Variants in PKD1L3 observed in about 807,000 individuals in gnomAD.
The protein encoded by PKD1L3 is polycystin 1 like 3, transient receptor potential channel interacting, also known as polycystin-1-like protein 3.
PKD1L3 carries 239 observed loss-of-function variants against 184.1 expected under a neutral mutation model. The ratio of observed to expected loss-of-function variants is 1.30; its 90% CI spans 1.17 to 1.45. The LOEUF (loss-of-function observed/expected upper bound fraction) is 1.45, where lower values mean the gene tolerates loss of function less well. PKD1L3 is among the 40% of genes most tolerant of loss of function. The probability of loss-of-function intolerance (pLI) is 0.00; values close to 1 mark genes in which losing one functional copy is unlikely to be tolerated. For synonymous variants in PKD1L3, 996 were observed against 778.8 expected (o/e 1.28, Z -4.64); for missense variants, 2,660 against 2,067.2 (o/e 1.29, Z -5.56).
chr16:71,943,398 C>T (rs970554951), intron 23 of PKD1L3, among the ~76,000 whole-genome samples: 5 of 151,720 alleles, frequency 3.3e-5, no homozygotes, highest in African/African-American at 1.2e-4. Flanking sequence ...ATTAGCTGGG[C>T]GTGGTGGTCT....
At chr16:71,990,368 C>G in intron 3 of PKD1L3, 39 bp from the exon 4 acceptor site, 5 of 1,471,534 alleles carry the variant, frequency 3.4e-6, no homozygotes, top group Non-Finnish European at 4.6e-6. Context: ...CAAGTAAAAG[C>G]CTAAGACAGA....
At chr16:71,944,236 T>TTG in intron 22 of PKD1L3, 66 bp from the exon 23 acceptor site, 2 of 1,411,242 alleles carry the variant, frequency 1.4e-6, no homozygotes, top group Non-Finnish European at 1.9e-6. Context: ...TCACCATTCA[T>TTG]TGAGCATCTA....
intron 10 of PKD1L3, 69 bp from the exon 11 acceptor site, chr16:71,977,536 ATAAGG>A (rs2039977017): frequency 3.9e-6 from 4 of 1,016,330 alleles, no homozygotes; most frequent in Non-Finnish European, 5.9e-6. Context: ...CTTTATATTG[ATAAGG>A]TAAGGAAACG....
intron 5 of PKD1L3, 48 bp downstream of exon 5, chr16:71,986,173 T>G (rs1272251964): frequency 6.5e-7 from 1 of 1,542,926 alleles, no homozygotes; most frequent in South Asian, 1.2e-5. Flanking sequence ...AACCAAGTAC[T>G]TTTTGGGGGT....
chr16:71,942,475 C>A, intron 24 of PKD1L3, 85 bp downstream of exon 24: 1 of 1,212,056 alleles, frequency 8.3e-7, no homozygotes, highest in Non-Finnish European at 1.1e-6. Context: ...AAGTTACCTT[C>A]AATGAAACCA....
chr16:71,974,905 T>C (rs1362784171), intron 11 of PKD1L3, among the ~76,000 whole-genome samples: 1 of 132,324 alleles, frequency 7.6e-6, no homozygotes, highest in Non-Finnish European at 1.6e-5. Flanking sequence ...GACGGGAGAC[T>C]GTAGCATGCT....
In PKD1L3 at chr16:71,978,174, C is replaced by T. The variant is rs2040001586; in HGVS notation, c.1527+81G>A. ...CACTGCCATCAATCTAACATAATTC[C>T]CTTTAAGTTGTTGCATCCTTCCATC... On this transcript the variant is annotated intron_variant, in intron 10 of 29. Coordinates refer to ENST00000620267, the MANE Select transcript of PKD1L3 (RefSeq NM_181536.2). 2.8e-6 allele frequency: 4 copies of T among 1,435,854 alleles called. No homozygotes were observed. The Admixed American group carries it at 6.4e-5, about 23-fold the overall frequency. The allele number at this position is 1,435,854 out of a possible 1,614,324, so 88.9% of individuals were successfully genotyped here.
At chr16:71,998,521 A>T (rs776257164) in intron 1 of PKD1L3, 127 bp from the exon 2 acceptor site, 1 of 1,243,690 alleles carries the variant, frequency 8.0e-7, no homozygotes, top group Non-Finnish European at 1.1e-6. Flanking sequence ...TGTGATCTTC[A>T]CTCACTGCAA....
At chr16:71,973,142 G>A (rs1279863752) in intron 12 of PKD1L3, among the ~76,000 whole-genome samples, 182 bp downstream of exon 12, 2 of 152,288 alleles carry the variant, frequency 1.3e-5, no homozygotes, top group East Asian at 3.9e-4. Flanking sequence ...CTCCTGCTTC[G>A]AAGAGGCACA....
At position 71,999,673 on chromosome 16, in the gene PKD1L3, C is replaced by T; in HGVS notation, c.295+11G>A. On this transcript the variant is annotated intron_variant, in intron 1 of 29. Coordinates refer to ENST00000620267, the MANE Select transcript of PKD1L3 (RefSeq NM_181536.2). Reference sequence around the variant, plus strand: ...AGTTTCCTTCATAAACACTGAACCCCAGGGTCTTACCTGGGTATTTGTTGT... The same window carrying T: ...AGTTTCCTTCATAAACACTGAACCCTAGGGTCTTACCTGGGTATTTGTTGT... 6.6e-7 allele frequency: 1 copy of T among 1,516,868 alleles called. No homozygotes were observed. The highest frequency in any genetic ancestry group is 8.9e-7 in the Non-Finnish European group (1 of 1,127,548). 94.0% of individuals were successfully genotyped at this position (1,516,868 alleles called of 1,614,324 possible).
In PKD1L3 at chr16:71,977,271, T is replaced by A; in HGVS notation, c.1724A>T (p.Asn575Ile). 2 of 1,536,038 alleles carry A rather than the reference T, an allele frequency of 1.3e-6. No individual in the cohort carries two copies. Among genetic ancestry groups the A allele is most frequent in the South Asian group, 1.2e-5 (1 of 83,704 alleles). The stretch of plus-strand genomic sequence containing the variant: ...CACCTTATCCTTTGGAAGGGTGATG[T>A]TCAGGTGGAAGTGAGTGCAGTTAGG... Reference protein sequence around the residue: ...YQPNCTHFHLNITLPKDKVWQ... With the variant: ...YQPNCTHFHLIITLPKDKVWQ... Residue 575 changes from asparagine (N) to isoleucine (I), a missense_variant, in exon 11 of 30, where the codon AAC becomes ATC. Transcript: ENST00000620267.
At chr16:71,997,986 A>C (rs947340371) in intron 2 of PKD1L3, among the ~76,000 whole-genome samples, 3 of 152,096 alleles carry the variant, frequency 2.0e-5, no homozygotes, top group African/African-American at 7.2e-5. Context: ...ATGAGTGTGC[A>C]TGTGGAAAAT....
At chr16:71,997,834 CT>C (rs1164134926) in intron 2 of PKD1L3, among the ~76,000 whole-genome samples, 1 of 152,046 alleles carries the variant, frequency 6.6e-6, no homozygotes, top group Non-Finnish European at 1.5e-5. Flanking sequence ...ACATACATAG[CT>C]TAATCCTGAT....
chr16:71,958,732 G>A (rs374066299), intron 16 of PKD1L3, among the ~76,000 whole-genome samples: 66 of 139,568 alleles, frequency 4.7e-4, no homozygotes, highest in African/African-American at 1.7e-3. Flanking sequence ...AGTGAGCCGA[G>A]ATCATGTCAC....
intron 3 of PKD1L3, 129 bp from the exon 4 acceptor site, chr16:71,990,458 C>T (rs988582862): frequency 3.1e-6 from 2 of 651,302 alleles, no homozygotes; most frequent in African/African-American, 1.9e-5. Context: ...CAAGGCCGGA[C>T]ATGGTAGCTC....
intron 12 of PKD1L3, among the ~76,000 whole-genome samples, chr16:71,971,832 G>A (rs1329581338): frequency 6.6e-6 from 1 of 152,150 alleles, no homozygotes; most frequent in African/African-American, 2.4e-5. Flanking sequence ...TGTAATTCCA[G>A]CACTTTGAGA....
At chr16:71,987,379 C>G (rs541062290) in intron 4 of PKD1L3, among the ~76,000 whole-genome samples, 1 of 151,670 alleles carries the variant, frequency 6.6e-6, no homozygotes, top group Non-Finnish European at 1.5e-5. Context: ...CACCACCATG[C>G]CTGGCTACTT....
chr16:71,980,153 AGTGT>A lies in PKD1L3; in HGVS notation c.1144-23_1144-20del. On this transcript the variant is annotated intron_variant, in intron 7 of 29. Coordinates refer to ENST00000620267, the MANE Select transcript of PKD1L3 (RefSeq NM_181536.2). ...CTTCTACCTGCATGGAAAGGAAAAC[AGTGT>A]GTGACTTGTAAAACCTCAGTGTCTT... is the stretch of plus-strand genomic sequence containing the variant. 6.4e-7 allele frequency: 1 copy of A among 1,550,454 alleles called. No individual in the cohort carries two copies. The highest frequency in any genetic ancestry group is 2.4e-5 in the East Asian group (1 of 40,914).
intron 2 of PKD1L3, among the ~76,000 whole-genome samples, chr16:71,993,922 G>A (rs932893092): frequency 1.3e-5 from 2 of 152,144 alleles, no homozygotes; most frequent in Admixed American, 6.5e-5. Flanking sequence ...TTACAGGCAC[G>A]TGCCACCACG....
Sources: gnomAD v4.1 joint callset for allele counts (sites outside exome capture counted in the v4.1 genomes callset) on GRCh38, gnomAD v4.1.1 for gene constraint, MANE v1.5 for transcripts, NCBI Gene and HGNC (gene_info 2026-07-23, HGNC 2026-07-21) for gene names.